The following CTNNA3 variants were observed in gnomAD, a reference collection of about 807,000 sequenced individuals.
CTNNA3 encodes catenin alpha 3.
In CTNNA3, 76 loss-of-function variants were observed where a neutral mutation model predicts 95.7. That is an observed-to-expected ratio of 0.79 (90% CI 0.66 to 0.96). The LOEUF (loss-of-function observed/expected upper bound fraction) is 0.96. CTNNA3 is among the 40% of genes least tolerant of loss of function. The pLI is 0.00. For missense variants in CTNNA3, 1,191 were observed against 1,089.8 expected (o/e 1.09, Z -1.31); for synonymous variants, 431 against 374.4 (o/e 1.15, Z -1.74).
At chr10:67,461,120 C>A (rs1395501852) in intron 5 of CTNNA3, among the ~76,000 whole-genome samples, 1 of 152,150 alleles carries the variant, frequency 6.6e-6, no homozygotes. Context: ...CCTAGAACAG[C>A]AATTCTCAAG....
chr10:67,577,605 T>C (rs1842208579), intron 3 of CTNNA3, among the ~76,000 whole-genome samples: 1 of 152,122 alleles, frequency 6.6e-6, no homozygotes, highest in South Asian at 2.1e-4. Flanking sequence ...CCCATGCCTA[T>C]GTCCTGAATG....
chr10:67,469,539 C>T (rs774774188), intron 5 of CTNNA3, among the ~76,000 whole-genome samples: 3 of 144,990 alleles, frequency 2.1e-5, no homozygotes, highest in Admixed American at 7.3e-5. Flanking sequence ...TGTTCTCACT[C>T]ATAAGCGGGA....
At chr10:66,363,394 T>A (rs1456024290) in intron 12 of CTNNA3, among the ~76,000 whole-genome samples, 1 of 152,084 alleles carries the variant, frequency 6.6e-6, no homozygotes, top group African/African-American at 2.4e-5. Context: ...GGAGAGACAT[T>A]AGATAACTTG....
intron 5 of CTNNA3, among the ~76,000 whole-genome samples, chr10:67,521,236 G>C (rs1009084126): frequency 3.3e-5 from 5 of 152,068 alleles, no homozygotes; most frequent in African/African-American, 4.8e-5. Flanking sequence ...AGGTTATAAA[G>C]TACCAGTTCT....
intron 13 of CTNNA3, among the ~76,000 whole-genome samples, chr10:66,189,282 A>G (rs1232272376): frequency 6.6e-6 from 1 of 151,778 alleles, no homozygotes; most frequent in African/African-American, 2.4e-5. Flanking sequence ...CAAAAAAAAA[A>G]AAAAAAACAT....
chr10:67,724,006 T>G (rs1841194402), intron 1 of CTNNA3, among the ~76,000 whole-genome samples: 1 of 152,116 alleles, frequency 6.6e-6, no homozygotes, highest in Non-Finnish European at 1.5e-5. Context: ...GGTAGAGAAC[T>G]CTAACGGACA....
intron 13 of CTNNA3, among the ~76,000 whole-genome samples, chr10:66,270,407 T>C (rs1298552471): frequency 2.0e-5 from 3 of 152,090 alleles, no homozygotes; most frequent in Admixed American, 6.5e-5. Context: ...GGTTTCACCA[T>C]GTTGCCCAGG....
At chr10:66,591,502 T>C (rs1843549959) in intron 10 of CTNNA3, among the ~76,000 whole-genome samples, 1 of 152,134 alleles carries the variant, frequency 6.6e-6, no homozygotes, top group Non-Finnish European at 1.5e-5. Context: ...ACTGCTTTAC[T>C]TGATCACTGT....
chr10:67,373,167 G>T lies in CTNNA3; in HGVS notation c.579+148675C>A, dbSNP rs193040655. 2.7e-3 allele frequency among the ~76,000 whole-genome samples: 407 copies of T among 152,212 alleles called. 2 individuals carry two copies. The highest frequency in any genetic ancestry group is 9.4e-3 in the African/African-American group (389 of 41,516). ...AATGGGCTAAATGCTCCAATTAAAAGACACAGACTGGCAAATTGGATAAAG... is the reference window on the plus strand; with the variant it reads ...AATGGGCTAAATGCTCCAATTAAAATACACAGACTGGCAAATTGGATAAAG... On this transcript the variant is annotated intron_variant, in intron 5 of 17. Coordinates refer to ENST00000433211, the MANE Select transcript of CTNNA3 (RefSeq NM_013266.4).
intron 7 of CTNNA3, among the ~76,000 whole-genome samples, chr10:67,038,321 T>C (rs929805481): frequency 1.3e-5 from 2 of 152,126 alleles, no homozygotes; most frequent in African/African-American, 2.4e-5. Flanking sequence ...GTCACTTCAA[T>C]GTGCTTTTAA....
chr10:67,726,407 TC>T (rs1378556181), intron 1 of CTNNA3, among the ~76,000 whole-genome samples: 8 of 71,480 alleles, frequency 1.1e-4, no homozygotes, highest in East Asian at 4.2e-4. Flanking sequence ...ATATATTATA[TC>T]ATATATAATA....
At chr10:65,937,955 T>G (rs543573830) in intron 17 of CTNNA3, among the ~76,000 whole-genome samples, 1 of 152,196 alleles carries the variant, frequency 6.6e-6, no homozygotes, top group Non-Finnish European at 1.5e-5. Context: ...GACTGCCCTG[T>G]CCTATATCCA....
chr10:67,213,417 C>A (rs1211574551), intron 6 of CTNNA3, among the ~76,000 whole-genome samples: 1 of 151,614 alleles, frequency 6.6e-6, no homozygotes, highest in African/African-American at 2.4e-5. Flanking sequence ...CTTTGTTGAA[C>A]TTCTCTACTG....
At chr10:66,497,291 A>G (rs1840131320) in intron 11 of CTNNA3, among the ~76,000 whole-genome samples, 1 of 151,982 alleles carries the variant, frequency 6.6e-6, no homozygotes, top group Non-Finnish European at 1.5e-5. Context: ...TGCACAGTCA[A>G]AATTATTAGG....
intron 7 of CTNNA3, among the ~76,000 whole-genome samples, chr10:67,013,565 A>T (rs1852472129): frequency 1.3e-5 from 2 of 152,142 alleles, no homozygotes; most frequent in African/African-American, 2.4e-5. Flanking sequence ...CAAACACAGT[A>T]CTCCTAAAAG....
rs151282994 is a variant in CTNNA3, at chr10:67,262,437, G to T, written c.580-42567C>A. On this transcript the variant is annotated intron_variant, in intron 5 of 17. Transcript: ENST00000433211. Reference sequence around the variant, plus strand: ...ACTAATGCAGAGTTTGAAAGGGGAGGAAAGCTTATTACTAGTGACCATGAG... The same window carrying T: ...ACTAATGCAGAGTTTGAAAGGGGAGTAAAGCTTATTACTAGTGACCATGAG... 4.7e-3 allele frequency among the ~76,000 whole-genome samples: 713 copies of T among 152,222 alleles called. 7 individuals are homozygous for T. The highest frequency in any genetic ancestry group is 0.016 in the African/African-American group (675 of 41,530).
At chr10:67,290,028 A>T (rs1204286737) in intron 5 of CTNNA3, among the ~76,000 whole-genome samples, 1 of 151,886 alleles carries the variant, frequency 6.6e-6, no homozygotes, top group Non-Finnish European at 1.5e-5. Flanking sequence ...CTGGCCTCAA[A>T]TTCCTGGCCT....
chr10:66,565,569 T>C (rs1842679699), intron 10 of CTNNA3, among the ~76,000 whole-genome samples: 2 of 152,150 alleles, frequency 1.3e-5, no homozygotes, highest in African/African-American at 4.8e-5. Context: ...AGGGAAAACC[T>C]GAGGCAGAGG....
intron 7 of CTNNA3, among the ~76,000 whole-genome samples, chr10:67,114,072 G>T (rs1332911978): frequency 1.6e-5 from 2 of 122,414 alleles, no homozygotes; most frequent in Middle Eastern, 4.6e-3. Flanking sequence ...GACAGGGGGA[G>T]AACTCAAAAA....
Sources: allele counts gnomAD v4.1 joint callset (sites outside exome capture counted in the v4.1 genomes callset), GRCh38; gene constraint gnomAD v4.1.1; transcripts MANE v1.5; gene names NCBI Gene and HGNC (gene_info 2026-07-23, HGNC 2026-07-21).